QRICH1: variants seen among roughly 807,000 people sequenced by gnomAD.
QRICH1 encodes the protein transcriptional regulator QRICH1.
A neutral mutation model predicts 87.1 loss-of-function variants in QRICH1; 16 were observed. That is an observed-to-expected ratio of 0.18 (90% CI 0.12 to 0.28). The LOEUF (loss-of-function observed/expected upper bound fraction) is 0.28, where lower values mean the gene tolerates loss of function less well. QRICH1 is among the 10% of genes least tolerant of loss of function. The pLI is 1.00. For synonymous variants in QRICH1, 367 were observed against 368.4 expected, an observed-to-expected ratio of 1.00 and a Z score of 0.05; for missense variants, 647 against 951.7, an observed-to-expected ratio of 0.68 and a Z score of 4.21.
rs149609050 is a variant in QRICH1, at chr3:49,049,817, A to G, written c.1339-2571T>C. ...CCGGCCAGATTCTGAAGAGATCTTT[A>G]TACCCTAAAAATATTAAAATTCCAA... On this transcript the variant is annotated intron_variant, in intron 3 of 9. Coordinates refer to ENST00000395443, the MANE Select transcript of QRICH1 (RefSeq NM_198880.3). Among the ~76,000 whole-genome samples the G allele has an allele frequency of 4.2e-4, 64 of 152,180 alleles. No individual in the cohort carries two copies. The South Asian group carries it at 9.3e-3, about 22-fold the overall frequency.
intron 1 of QRICH1, among the ~76,000 whole-genome samples, chr3:49,084,696 G>A (rs967926477): frequency 3.9e-5 from 6 of 151,920 alleles, no homozygotes; most frequent in Non-Finnish European, 8.8e-5. Context: ...TCCGGGAGGC[G>A]GAGGTTGTAG....
chr3:49,078,453 G>A (rs2041995341), intron 1 of QRICH1, among the ~76,000 whole-genome samples: 1 of 123,374 alleles, frequency 8.1e-6, no homozygotes, highest in Admixed American at 1.1e-4. Flanking sequence ...GGAGTGCAGT[G>A]GCTTGATCTT....
intron 6 of QRICH1, 100 bp downstream of exon 6, chr3:49,044,289 AT>A (rs2106854465): frequency 1.1e-6 from 1 of 889,584 alleles, no homozygotes; most frequent in South Asian, 1.6e-5. Context: ...TGGGATTTAT[AT>A]CCCCCCTCAC....
At chr3:49,069,138 C>CT (rs2093486425) in intron 2 of QRICH1, among the ~76,000 whole-genome samples, 1 of 106,170 alleles carries the variant, frequency 9.4e-6, no homozygotes, top group Admixed American at 1.1e-4. Flanking sequence ...TAGTCTTGTT[C>CT]TGTCGCCCAG....
chr3:49,049,928 C>T (rs575347787), intron 3 of QRICH1, among the ~76,000 whole-genome samples: 5 of 151,912 alleles, frequency 3.3e-5, no homozygotes, highest in African/African-American at 1.2e-4. Context: ...TTGAGCTGGG[C>T]GCGGTGGCTC....
At chr3:49,062,488 GTAGC>G (rs1057142453) in intron 2 of QRICH1, among the ~76,000 whole-genome samples, 2 of 150,268 alleles carry the variant, frequency 1.3e-5, no homozygotes, top group African/African-American at 4.9e-5. Context: ...AGCCTCCTGA[GTAGC>G]TAGGATTACA....
At chr3:49,083,809 G>T (rs2077107489) in intron 1 of QRICH1, among the ~76,000 whole-genome samples, 1 of 151,662 alleles carries the variant, frequency 6.6e-6, no homozygotes, top group South Asian at 2.1e-4. Flanking sequence ...CATACCTGTA[G>T]TCCCAGCTAC....
intron 2 of QRICH1, among the ~76,000 whole-genome samples, chr3:49,060,232 C>T (rs1463749816): frequency 2.0e-5 from 3 of 151,394 alleles, no homozygotes; most frequent in South Asian, 2.1e-4. Flanking sequence ...CTCGCTCTGT[C>T]GCCCAGGCTG....
At chr3:49,089,885 T>A (rs986531276) in intron 1 of QRICH1, among the ~76,000 whole-genome samples, 1 of 152,178 alleles carries the variant, frequency 6.6e-6, no homozygotes, top group East Asian at 1.9e-4. Flanking sequence ...CCACGAAGGG[T>A]TCAGAGATAC....
chr3:49,088,015 A>ATGTG (rs2042202750), intron 1 of QRICH1, among the ~76,000 whole-genome samples: 1 of 150,646 alleles, frequency 6.6e-6, no homozygotes, highest in Non-Finnish European at 1.5e-5. Flanking sequence ...GCAGTGGCAC[A>ATGTG]ATCTCGGCTC....
At chr3:49,079,382 C>T (rs1385286938) in intron 1 of QRICH1, among the ~76,000 whole-genome samples, 2 of 149,908 alleles carry the variant, frequency 1.3e-5, no homozygotes, top group Non-Finnish European at 3.0e-5. Flanking sequence ...AGACTTTCAT[C>T]TGTTAAAAGA....
rs753905595 is a variant in QRICH1, at chr3:49,057,715, G to A, written c.485C>T (p.Ser162Leu). 9.3e-6 allele frequency: 15 copies of A among 1,614,086 alleles called. No homozygotes were observed. The highest frequency in any genetic ancestry group is 6.7e-5 in the African/African-American group (5 of 74,926). ...QTPSLQSPSP[S>L]QLQAAQIQVQ... Reference sequence around the variant, plus strand: ...CTGGATCTGAGCTGCTTGCAGCTGCGAGGGACTGGGACTCTGCAGAGACGG... The same window carrying A: ...CTGGATCTGAGCTGCTTGCAGCTGCAAGGGACTGGGACTCTGCAGAGACGG... The change falls in exon 3 of 10, where the codon TCG becomes TTG. Residue 162 changes from serine to leucine, a missense_variant. Around this residue, in one of 7 missense-constraint regions of QRICH1, gnomAD observed 156 missense variants for 164.5 expected, o/e 0.95. Transcript: ENST00000395443. This position sits in a 1 kb window ranked among gnomAD's most constrained non-coding sequence, Gnocchi z 5.4.
chr3:49,070,078 C>T (rs193201486), intron 2 of QRICH1, among the ~76,000 whole-genome samples: 1 of 151,664 alleles, frequency 6.6e-6, no homozygotes, highest in Admixed American at 6.6e-5. Flanking sequence ...GCTCACATTG[C>T]CCAGTCTGGA....
In QRICH1 at chr3:49,065,138, C is replaced by CT. The variant is rs541974005; in HGVS notation, c.310-7249dup. Among the ~76,000 whole-genome samples the CT allele has an allele frequency of 4.7e-3, 672 of 143,896 alleles. 2 individuals carry two copies. Among genetic ancestry groups the CT allele is most frequent in the Admixed American group, 0.013 (181 of 14,362 alleles). The allele number at this position is 143,896 out of a possible 152,430, so 94.4% of individuals were successfully genotyped here. ...CATTGTTTTACATTTTTGGAAACCTCTTTTTTTTTTTTTTGGAGATGGAGT... is the reference window on the plus strand; with the variant it reads ...CATTGTTTTACATTTTTGGAAACCTCTTTTTTTTTTTTTTTGGAGATGGAGT... On this transcript the variant is annotated intron_variant, in intron 2 of 9. Transcript: ENST00000395443.
chr3:49,081,183 G>C (rs1331612586), intron 1 of QRICH1, among the ~76,000 whole-genome samples: 2 of 151,984 alleles, frequency 1.3e-5, no homozygotes, highest in Non-Finnish European at 2.9e-5. Context: ...TTGGGAGGCT[G>C]AGCTGGGTGG....
At chr3:49,070,156 G>A (rs908867811) in intron 2 of QRICH1, among the ~76,000 whole-genome samples, 15 of 151,678 alleles carry the variant, frequency 9.9e-5, no homozygotes, top group African/African-American at 3.4e-4. Context: ...TCCTGCCTTA[G>A]CCTCCGAATA....
At chr3:49,091,800 G>A (rs879368172) in intron 1 of QRICH1, among the ~76,000 whole-genome samples, 4 of 152,148 alleles carry the variant, frequency 2.6e-5, no homozygotes, top group Admixed American at 6.6e-5. Context: ...GGTCGGGCGC[G>A]GTGGCTCACG....
At chr3:49,072,394 T>C (rs2041853314) in intron 2 of QRICH1, among the ~76,000 whole-genome samples, 1 of 151,880 alleles carries the variant, frequency 6.6e-6, no homozygotes, top group Admixed American at 6.6e-5. Context: ...GTGTTGGTGG[T>C]GTGCGCCTGT....
chr3:49,071,477 AGCC>A (rs1379839153), intron 2 of QRICH1, among the ~76,000 whole-genome samples: 7 of 152,126 alleles, frequency 4.6e-5, no homozygotes. Flanking sequence ...TCCCAAGACC[AGCC>A]TAGGGGCCAG....
Sources: allele counts gnomAD v4.1 joint callset (sites outside exome capture counted in the v4.1 genomes callset), GRCh38; gene constraint gnomAD v4.1.1; regional missense constraint gnomAD v4.1.1; non-coding constraint Gnocchi (gnomAD v3.1); transcripts MANE v1.5; gene names NCBI Gene and HGNC (gene_info 2026-07-23, HGNC 2026-07-21).